The following COP1 variants were observed in gnomAD, a reference collection of about 807,000 sequenced individuals.
The protein encoded by COP1 is COP1 E3 ubiquitin ligase.
In COP1, 24 loss-of-function variants were observed where a neutral mutation model predicts 101.3. That is an observed-to-expected ratio of 0.24 (90% CI 0.17 to 0.33). The LOEUF (loss-of-function observed/expected upper bound fraction) is 0.33. COP1 is among the 10% of genes least tolerant of loss of function. The pLI is 1.00. For synonymous variants in COP1, 347 were observed against 341.9 expected (o/e 1.01, Z -0.17); for missense variants, 663 against 906.2 (o/e 0.73, Z 3.45).
At chr1:176,185,301 C>A (rs1698306102) in intron 1 of COP1, among the ~76,000 whole-genome samples, 1 of 152,158 alleles carries the variant, frequency 6.6e-6, no homozygotes, top group Admixed American at 6.5e-5. Context: ...GATGAGGGAA[C>A]AGAAGCAGAG....
chr1:176,006,851 A>G (rs997577675), intron 15 of COP1, among the ~76,000 whole-genome samples: 12 of 151,792 alleles, frequency 7.9e-5, no homozygotes, highest in Non-Finnish European at 1.2e-4. Context: ...CTCGAGGAGT[A>G]TCTTTGTGGC....
chr1:176,067,005 A>G (rs1676108526), intron 11 of COP1, among the ~76,000 whole-genome samples: 1 of 152,214 alleles, frequency 6.6e-6, no homozygotes, highest in African/African-American at 2.4e-5. Flanking sequence ...CTTATTGGGC[A>G]AGAAGCTCTA....
intron 15 of COP1, 68 bp downstream of exon 15, chr1:176,027,504 T>C (rs964087383): frequency 1.2e-5 from 11 of 899,660 alleles, no homozygotes; most frequent in Admixed American, 1.8e-5. Context: ...TGTTTTAAAA[T>C]GCTCTCCTAT....
chr1:176,041,145 A>G (rs1308800157), intron 14 of COP1, among the ~76,000 whole-genome samples: 1 of 152,204 alleles, frequency 6.6e-6, no homozygotes, highest in Non-Finnish European at 1.5e-5. Context: ...AATGCAGCAC[A>G]TAGAGATTTC....
At chr1:176,086,914 C>T (rs1256352949) in intron 9 of COP1, among the ~76,000 whole-genome samples, 3 of 152,132 alleles carry the variant, frequency 2.0e-5, no homozygotes, top group Non-Finnish European at 2.9e-5. Context: ...AACAGAGATA[C>T]AGACCAATCG....
At chr1:175,974,586 G>A (rs1378921926) in intron 18 of COP1, among the ~76,000 whole-genome samples, 1 of 152,108 alleles carries the variant, frequency 6.6e-6, no homozygotes, top group Non-Finnish European at 1.5e-5. Context: ...AGGGGTTGAT[G>A]GAAAAGATAT....
chr1:176,200,195 C>A (rs1700122745), intron 1 of COP1, among the ~76,000 whole-genome samples: 1 of 152,136 alleles, frequency 6.6e-6, no homozygotes, highest in Non-Finnish European at 1.5e-5. Flanking sequence ...AACGTAAAAC[C>A]TTTAAAATAG....
intron 15 of COP1, among the ~76,000 whole-genome samples, chr1:176,005,526 T>C (rs369549398): frequency 7.2e-5 from 11 of 152,304 alleles, no homozygotes; most frequent in South Asian, 4.1e-4. Context: ...GCTTTGAATG[T>C]GTCCCAGAGA....
At chr1:176,145,580 GC>G (rs1316202865) in intron 6 of COP1, among the ~76,000 whole-genome samples, 1 of 151,800 alleles carries the variant, frequency 6.6e-6, no homozygotes. Flanking sequence ...TTTGCCAACA[GC>G]CCCAAACTGA....
intron 18 of COP1, among the ~76,000 whole-genome samples, chr1:175,982,959 T>C (rs149302439): frequency 1.3e-3 from 200 of 152,260 alleles, no homozygotes; most frequent in African/African-American, 4.6e-3. Flanking sequence ...TTGAGATGTA[T>C]TGCATAGCAG....
chr1:176,169,301 C>T (rs1274176992), intron 3 of COP1, among the ~76,000 whole-genome samples: 1 of 152,108 alleles, frequency 6.6e-6, no homozygotes, highest in Non-Finnish European at 1.5e-5. Context: ...ATGTCTAAGA[C>T]TTCATAAAAT....
intron 9 of COP1, among the ~76,000 whole-genome samples, chr1:176,086,226 T>TC (rs1680116124): frequency 3.4e-5 from 2 of 58,696 alleles, no homozygotes; most frequent in Non-Finnish European, 7.5e-5. Flanking sequence ...TGGGAATCTT[T>TC]CTTTTTTTTT....
chr1:176,084,644 T>C (rs1679788476), intron 10 of COP1, among the ~76,000 whole-genome samples: 1 of 152,186 alleles, frequency 6.6e-6, no homozygotes, highest in African/African-American at 2.4e-5. Flanking sequence ...TTGTTGTTAA[T>C]TTCAAACAAA....
intron 3 of COP1, among the ~76,000 whole-genome samples, chr1:176,172,255 T>C (rs1481466520): frequency 2.0e-5 from 3 of 152,316 alleles, no homozygotes; most frequent in African/African-American, 7.2e-5. Context: ...TTGCGCAGAC[T>C]GGTCGCAAAC....
At chr1:175,950,995 C>T (rs1056939050) in intron 18 of COP1, among the ~76,000 whole-genome samples, 2 of 152,136 alleles carry the variant, frequency 1.3e-5, no homozygotes, top group Admixed American at 1.3e-4. Context: ...CCTGTAATCC[C>T]AGCACTTTGG....
chr1:176,062,640 A>G (rs1262217330), intron 11 of COP1, among the ~76,000 whole-genome samples: 1 of 152,184 alleles, frequency 6.6e-6, no homozygotes, highest in Admixed American at 6.5e-5. Context: ...TCAGGTATTC[A>G]CCCAAAGAAA....
At chr1:176,179,032 G>A (rs575165230) in intron 2 of COP1, among the ~76,000 whole-genome samples, 29 of 151,402 alleles carry the variant, frequency 1.9e-4, no homozygotes, top group Non-Finnish European at 3.1e-4. Flanking sequence ...GGCTCACGCC[G>A]TAATCCCAGC....
chr1:175,987,184 C>A, intron 17 of COP1, 81 bp from the exon 18 acceptor site: 2 of 706,098 alleles, frequency 2.8e-6, no homozygotes, highest in South Asian at 3.0e-5. Flanking sequence ...TAATTATCAG[C>A]CAAAGTTATA....
In COP1 at chr1:175,976,967, C is replaced by G. The variant is rs370223094; in HGVS notation, c.2133+9976G>C. On this transcript the variant is annotated intron_variant, in intron 18 of 19. Transcript: ENST00000367669. ...GGAATGTTGTGAGAAATAAAAAACA[C>G]TTAAAGCAAAATCAACTATTAGTAT... Among the ~76,000 whole-genome samples, 8 of 152,232 alleles carry G rather than the reference C, an allele frequency of 5.3e-5. No individual in the cohort carries two copies. In the East Asian group the frequency reaches 9.7e-4, roughly 18 times the overall value.
Sources: gnomAD v4.1 joint callset for allele counts (sites outside exome capture counted in the v4.1 genomes callset) on GRCh38, gnomAD v4.1.1 for gene constraint, MANE v1.5 for transcripts, NCBI Gene and HGNC (gene_info 2026-07-23, HGNC 2026-07-21) for gene names.